The following SUPT3H variants were observed in gnomAD, a reference collection of about 807,000 sequenced individuals.
SUPT3H encodes the protein SPT3 homolog, SAGA and STAGA complex component.
In SUPT3H, 44 loss-of-function variants were observed where a neutral mutation model predicts 44.3. The observed-to-expected ratio is 0.99, with a 90% CI of 0.78 to 1.28. The LOEUF (loss-of-function observed/expected upper bound fraction) is 1.28, where lower values mean the gene tolerates loss of function less well. SUPT3H is among the 50% of genes most tolerant of loss of function. SUPT3H has a pLI of 0.00. For synonymous variants in SUPT3H, 124 were observed against 125.6 expected (o/e 0.99, Z 0.09); for missense variants, 380 against 387.1 (o/e 0.98, Z 0.15).
At chr6:45,239,036 G>C (rs1444273977) in intron 2 of SUPT3H, among the ~76,000 whole-genome samples, 2 of 152,170 alleles carry the variant, frequency 1.3e-5, no homozygotes, top group Non-Finnish European at 1.5e-5. Context: ...GGATCGAAAG[G>C]TAAAGTTTTT....
At chr6:45,131,743 T>C (rs900953397) in intron 2 of SUPT3H, among the ~76,000 whole-genome samples, 1 of 152,174 alleles carries the variant, frequency 6.6e-6, no homozygotes, top group African/African-American at 2.4e-5. Flanking sequence ...CAAAAATAAA[T>C]ATTATTCCCA....
At chr6:44,832,100 T>TTGA (rs1240058638) in intron 10 of SUPT3H, among the ~76,000 whole-genome samples, 1 of 152,104 alleles carries the variant, frequency 6.6e-6, no homozygotes, top group African/African-American at 2.4e-5. Flanking sequence ...CTTTTTCCTT[T>TTGA]TGATGTACAA....
chr6:45,320,169 TTATAA>T (rs1308899552), intron 2 of SUPT3H, among the ~76,000 whole-genome samples: 1 of 152,142 alleles, frequency 6.6e-6, no homozygotes, highest in Non-Finnish European at 1.5e-5. Flanking sequence ...AAGAATTCTA[TTATAA>T]TATATAAATA....
intron 2 of SUPT3H, among the ~76,000 whole-genome samples, chr6:45,161,349 T>G (rs962469862): frequency 5.3e-5 from 8 of 152,124 alleles, no homozygotes; most frequent in African/African-American, 1.9e-4. Context: ...CCCAAAAGAA[T>G]AGTTCACAGC....
intron 2 of SUPT3H, among the ~76,000 whole-genome samples, chr6:45,113,438 C>T (rs1350382111): frequency 6.6e-6 from 1 of 152,224 alleles, no homozygotes; most frequent in East Asian, 1.9e-4. Flanking sequence ...CAAATTTTAA[C>T]AGCTCTTTCA....
Position 45,175,363 on chromosome 6 carries a change from G to A in SUPT3H, c.102-69357C>T, listed in dbSNP as rs767167042. Reference sequence around the variant, plus strand: ...GAAACTTACAGTCACGGTGAAAGGCGATGGGGAAGCAAGGCACTTTCTTCA... The same window carrying A: ...GAAACTTACAGTCACGGTGAAAGGCAATGGGGAAGCAAGGCACTTTCTTCA... On this transcript the variant is annotated intron_variant, in intron 2 of 10. Transcript: ENST00000371459. 5.3e-5 allele frequency among the ~76,000 whole-genome samples: 8 copies of A among 152,276 alleles called. No homozygotes were observed. In the South Asian group the frequency reaches 1.0e-3, roughly 20 times the overall value.
At chr6:45,014,629 G>A (rs765364410) in intron 5 of SUPT3H, among the ~76,000 whole-genome samples, 172 bp downstream of exon 5, 1 of 151,892 alleles carries the variant, frequency 6.6e-6, no homozygotes, top group African/African-American at 2.4e-5. Flanking sequence ...TAGGTAACAC[G>A]GTATAATATG....
intron 10 of SUPT3H, among the ~76,000 whole-genome samples, chr6:44,891,592 G>A (rs569025306): frequency 3.9e-5 from 6 of 152,160 alleles, no homozygotes; most frequent in African/African-American, 1.4e-4. Flanking sequence ...TAGGGATTGG[G>A]GTTGGGGAGG....
chr6:45,044,354 C>T (rs1246027601), intron 3 of SUPT3H, among the ~76,000 whole-genome samples: 8 of 152,166 alleles, frequency 5.3e-5, no homozygotes. Context: ...TGAAACTCAG[C>T]TCAGGTTTCA....
At chr6:45,323,774 T>G (rs1785910513) in intron 2 of SUPT3H, among the ~76,000 whole-genome samples, 1 of 152,070 alleles carries the variant, frequency 6.6e-6, no homozygotes, top group Non-Finnish European at 1.5e-5. Context: ...ATACAAAAGA[T>G]TCTCATTATA....
intron 2 of SUPT3H, among the ~76,000 whole-genome samples, chr6:45,121,030 G>A (rs1801586726): frequency 6.6e-6 from 1 of 152,072 alleles, no homozygotes; most frequent in Non-Finnish European, 1.5e-5. Flanking sequence ...TTTGGAACAG[G>A]TTGATTATCT....
intron 9 of SUPT3H, 103 bp downstream of exon 9, chr6:44,953,207 G>A: frequency 1.2e-6 from 1 of 848,486 alleles, no homozygotes; most frequent in Non-Finnish European, 1.9e-6. Flanking sequence ...TTGACTGAAG[G>A]TTATACACTC....
chr6:44,935,542 G>C (rs1190388866), intron 9 of SUPT3H, among the ~76,000 whole-genome samples: 1 of 152,068 alleles, frequency 6.6e-6, no homozygotes, highest in African/African-American at 2.4e-5. Flanking sequence ...AAATCTCTCT[G>C]GGATATAAAC....
chr6:44,963,660 T>C (rs531786213), intron 6 of SUPT3H, among the ~76,000 whole-genome samples: 5 of 152,084 alleles, frequency 3.3e-5, no homozygotes, highest in Admixed American at 2.0e-4. Flanking sequence ...CTGATGAAAA[T>C]AGGAAGCAAG....
intron 6 of SUPT3H, among the ~76,000 whole-genome samples, chr6:44,985,906 T>C (rs1226173794): frequency 6.6e-6 from 1 of 152,144 alleles, no homozygotes; most frequent in African/African-American, 2.4e-5. Flanking sequence ...AATAACTGAG[T>C]GTCCTTGGCC....
At chr6:44,978,085 C>T (rs369910312) in intron 6 of SUPT3H, among the ~76,000 whole-genome samples, 16 of 152,214 alleles carry the variant, frequency 1.1e-4, no homozygotes, top group Middle Eastern at 3.4e-3. Context: ...ACATATTCCA[C>T]TAACTTGATG....
Position 45,130,201 on chromosome 6 carries a change from C to T in SUPT3H, c.102-24195G>A, listed in dbSNP as rs566166235. Among the ~76,000 whole-genome samples the T allele has an allele frequency of 1.8e-3, 279 of 152,292 alleles. 1 individual carries two copies. The highest frequency in any genetic ancestry group is 6.2e-3 in the African/African-American group (258 of 41,570). ...CCATTCTCACCCCCTCTCTCAGCATCTTCCCTGCCTCAGGCAACTTTCTGT... is the reference window on the plus strand; with the variant it reads ...CCATTCTCACCCCCTCTCTCAGCATTTTCCCTGCCTCAGGCAACTTTCTGT... On this transcript the variant is annotated intron_variant, in intron 2 of 10. Transcript: ENST00000371459.
chr6:45,255,724 A>T (rs1403243829), intron 2 of SUPT3H, among the ~76,000 whole-genome samples: 1 of 152,140 alleles, frequency 6.6e-6, no homozygotes, highest in Non-Finnish European at 1.5e-5. Flanking sequence ...AACCCAGACT[A>T]GGTAGATACT....
chr6:45,124,850 A>G (rs1186487856), intron 2 of SUPT3H, among the ~76,000 whole-genome samples: 1 of 152,306 alleles, frequency 6.6e-6, no homozygotes, highest in East Asian at 1.9e-4. Flanking sequence ...TAATGAAGTT[A>G]AAACAAGGTC....
Sources: gnomAD v4.1 joint callset for allele counts (sites outside exome capture counted in the v4.1 genomes callset) on GRCh38, gnomAD v4.1.1 for gene constraint, MANE v1.5 for transcripts, NCBI Gene and HGNC (gene_info 2026-07-23, HGNC 2026-07-21) for gene names.